Variants in PSME4 observed in about 807,000 individuals in gnomAD.
PSME4 encodes proteasome activator complex subunit 4.
Under a neutral mutation model 253.9 loss-of-function variants are expected in PSME4, and 89 were observed. The observed-to-expected ratio is 0.35, with a 90% CI of 0.30 to 0.42. PSME4 has a LOEUF of 0.42. Among genes scored for constraint, PSME4 ranks in the 10% least tolerant of loss-of-function variants. The pLI is 1.00. For missense variants in PSME4, 2,014 were observed against 2,195.2 expected, an observed-to-expected ratio of 0.92 and a Z score of 1.65; for synonymous variants, 851 against 759.2, an observed-to-expected ratio of 1.12 and a Z score of -1.99.
chr2:53,915,277 C>CA (rs1040837549), intron 20 of PSME4, among the ~76,000 whole-genome samples: 18 of 152,178 alleles, frequency 1.2e-4, no homozygotes, highest in African/African-American at 1.7e-4. Flanking sequence ...CCTATCTCCA[C>CA]AAAAAATACA....
At chr2:53,915,654 T>C (rs1266667167) in intron 20 of PSME4, among the ~76,000 whole-genome samples, 1 of 152,116 alleles carries the variant, frequency 6.6e-6, no homozygotes, top group Admixed American at 6.5e-5. Flanking sequence ...TGTACTCTTC[T>C]TCCAGAAGAC....
chr2:53,967,649 CAAAAAA>C (rs71408747), intron 1 of PSME4, among the ~76,000 whole-genome samples: 348 of 21,512 alleles, frequency 0.016, 3 homozygotes, highest in Admixed American at 0.029. Flanking sequence ...GAGATTGTCT[CAAAAAA>C]AAAAAAAAAA....
intron 28 of PSME4, among the ~76,000 whole-genome samples, chr2:53,900,512 GGACAGAATGA>G (rs1212170411): frequency 1.3e-5 from 2 of 152,078 alleles, no homozygotes; most frequent in African/African-American, 2.4e-5. Context: ...TAGCCTTGGG[GGACAGAATGA>G]GACAGAATGA....
chr2:53,887,389 A>G lies in PSME4; in HGVS notation c.4599T>C (p.Phe1533=), dbSNP rs1342907345. The part of the protein sequence containing the change: ...TPTISPHVPE[F]TARILEKLKP... ...TCAATTTCTCCAGAATTCGAGCAGT[A>G]AACTCAGGGACATGAGGCGATATGG... The change falls in exon 40 of 47, where the codon TTT becomes TTC. Residue 1533 remains phenylalanine, a synonymous_variant. Transcript: ENST00000404125. 3.1e-6 allele frequency: 5 copies of G among 1,613,932 alleles called. No homozygotes were observed. The South Asian group carries it at 4.4e-5, about 14-fold the overall frequency.
At chr2:53,896,459 A>G (rs1316665635) in intron 32 of PSME4, among the ~76,000 whole-genome samples, 1 of 152,196 alleles carries the variant, frequency 6.6e-6, no homozygotes, top group African/African-American at 2.4e-5. Flanking sequence ...TAATACAATA[A>G]GGTATGAGGA....
chr2:53,878,990 G>A (rs1679258611), intron 41 of PSME4, among the ~76,000 whole-genome samples: 1 of 152,046 alleles, frequency 6.6e-6, no homozygotes, highest in Non-Finnish European at 1.5e-5. Flanking sequence ...TGGTTTTACG[G>A]CTCAGGGGCA....
chr2:53,955,812 C>G (rs1573372102), intron 1 of PSME4, among the ~76,000 whole-genome samples: 1 of 151,834 alleles, frequency 6.6e-6, no homozygotes, highest in African/African-American at 2.4e-5. Flanking sequence ...GTCCCAGTAA[C>G]TCAGGAGGCT....
chr2:53,961,605 G>A (rs1317949030), intron 1 of PSME4, among the ~76,000 whole-genome samples: 6 of 152,160 alleles, frequency 3.9e-5, no homozygotes, highest in Admixed American at 3.9e-4. Flanking sequence ...TTGAGCCTGG[G>A]AGGTTGAGTT....
At chr2:53,922,000 G>A (rs529358837) in intron 17 of PSME4, among the ~76,000 whole-genome samples, 42 of 149,960 alleles carry the variant, frequency 2.8e-4, no homozygotes, top group African/African-American at 9.6e-4. Flanking sequence ...GTGAAACCCC[G>A]TCTCTACTAA....
At position 53,901,454 on chromosome 2, in the gene PSME4, G is replaced by C. The variant is rs756222716; in HGVS notation, c.3181C>G (p.Leu1061Val). ...TTTTCCAGGGACATTGCTTGGCTAA[G>C]CCCTGAAGAAACAATCGCTGGCCAC... ...QTWPAIVSSG[L>V]SQAMSLEKPS... The change falls in exon 28 of 47, where the codon CTT becomes GTT. Residue 1061 changes from leucine to valine, a missense_variant. Physicochemically the swap from Leu to Val is conservative, Grantham distance 32 (BLOSUM62 1). Transcript: ENST00000404125. 2.5e-6 allele frequency: 4 copies of C among 1,613,936 alleles called. No individual in the cohort carries two copies. The highest frequency in any genetic ancestry group is 3.4e-6 in the Non-Finnish European group (4 of 1,179,900).
In PSME4 at chr2:53,890,808, ACTT is replaced by A. The variant is rs747943438; in HGVS notation, c.4192-603_4192-601del. On this transcript the variant is annotated intron_variant, in intron 36 of 46. Transcript: ENST00000404125. ...TTTGGGAGGCCAAGGCAGGAGGATC[ACTT>A]GAAATCAGGAGTTCAAGATCAAGCT... Among the ~76,000 whole-genome samples the A allele has an allele frequency of 2.4e-4, 36 of 152,114 alleles. 1 individual carries two copies. Among genetic ancestry groups the A allele is most frequent in the Non-Finnish European group, 4.7e-4 (32 of 68,008 alleles).
At chr2:53,927,607 T>C in intron 11 of PSME4, 124 bp from the exon 12 acceptor site, 2 of 742,414 alleles carry the variant, frequency 2.7e-6, no homozygotes, top group South Asian at 3.3e-5. Context: ...ACAGTTTTTC[T>C]GGGTATTCCT....
At chr2:53,920,016 T>C (rs1206289874) in intron 19 of PSME4, among the ~76,000 whole-genome samples, 177 bp downstream of exon 19, 1 of 152,172 alleles carries the variant, frequency 6.6e-6, no homozygotes, top group Non-Finnish European at 1.5e-5. Context: ...TTTAAAATGT[T>C]TAAATGTTGT....
At chr2:53,868,278 G>A (rs1055836463) in intron 44 of PSME4, among the ~76,000 whole-genome samples, 2 of 151,084 alleles carry the variant, frequency 1.3e-5, no homozygotes, top group Non-Finnish European at 2.9e-5. Context: ...TCAACATGGT[G>A]AAACTCTACT....
At chr2:53,908,108 G>A in intron 24 of PSME4, 1 of 510,318 alleles carries the variant, frequency 2.0e-6, no homozygotes. Flanking sequence ...AGACTGTCAT[G>A]GAAACAGGCA....
At chr2:53,921,724 C>T (rs1363100488) in intron 17 of PSME4, among the ~76,000 whole-genome samples, 6 of 138,204 alleles carry the variant, frequency 4.3e-5, no homozygotes, top group Non-Finnish European at 7.8e-5. Context: ...AAAAATTAGC[C>T]GGGCGTAGTG....
Position 53,927,038 on chromosome 2 carries a change from AAAATCTTTCTTCATT to A in PSME4, c.1593+341_1593+355del, listed in dbSNP as rs569689078. Among the ~76,000 whole-genome samples, 408 of 152,306 alleles carry A rather than the reference AAAATCTTTCTTCATT, an allele frequency of 2.7e-3. 2 individuals are homozygous for A. Among genetic ancestry groups the A allele is most frequent in the African/African-American group, 9.3e-3 (388 of 41,566 alleles). Reference sequence around the variant, plus strand: ...AAGAGCCAGACAGAAATGAATGAAGAAAATCTTTCTTCATTAAATGTCAATCCCTTGGACAGATTT... The same window carrying A: ...AAGAGCCAGACAGAAATGAATGAAGAAAATGTCAATCCCTTGGACAGATTT... On this transcript the variant is annotated intron_variant, in intron 12 of 46. Coordinates refer to ENST00000404125, the MANE Select transcript of PSME4 (RefSeq NM_014614.3).
At chr2:53,906,304 A>AATTACAAACAGCAACATTAAGC (rs1379921675) in intron 26 of PSME4, among the ~76,000 whole-genome samples, 50 of 152,206 alleles carry the variant, frequency 3.3e-4, no homozygotes, top group Non-Finnish European at 6.6e-4. Flanking sequence ...AATGAGAAGC[A>AATTACAAACAGCAACATTAAGC]ATTACAAACA....
At chr2:53,919,787 T>TA (rs1396356858) in intron 19 of PSME4, among the ~76,000 whole-genome samples, 2 of 152,106 alleles carry the variant, frequency 1.3e-5, no homozygotes, top group Admixed American at 1.3e-4. Context: ...TTCAAATACT[T>TA]ATTTCTTGTT....
Sources: allele counts gnomAD v4.1 joint callset (sites outside exome capture counted in the v4.1 genomes callset), GRCh38; gene constraint gnomAD v4.1.1; transcripts MANE v1.5; gene names NCBI Gene and HGNC (gene_info 2026-07-23, HGNC 2026-07-21).